SULT4A1: variants seen among roughly 807,000 people sequenced by gnomAD.
The protein encoded by SULT4A1 is sulfotransferase 4A1.
SULT4A1 carries 11 observed loss-of-function variants against 35.2 expected under a neutral mutation model. The observed-to-expected ratio is 0.31, with a 90% CI of 0.20 to 0.52. The LOEUF (loss-of-function observed/expected upper bound fraction) is 0.52. Ranked by LOEUF, SULT4A1 falls within the 20% of genes least tolerant of loss-of-function variation. SULT4A1 has a pLI of 0.97. For missense variants in SULT4A1, 271 were observed against 383.7 expected, an observed-to-expected ratio of 0.71 and a Z score of 2.45; for synonymous variants, 152 against 151.8, an observed-to-expected ratio of 1.00 and a Z score of -0.01.
intron 1 of SULT4A1, among the ~76,000 whole-genome samples, chr22:43,856,819 C>A (rs1459190684): frequency 6.6e-6 from 1 of 152,164 alleles, no homozygotes; most frequent in African/African-American, 2.4e-5. Context: ...ATTCCTTATA[C>A]TAATGGCCTA....
rs770922357 is a variant in SULT4A1 at position 43,862,418 on chromosome 22, G to A, written c.-36C>T. On this transcript the variant is annotated 5_prime_UTR_variant, in exon 1 of 7. Transcript: ENST00000330884. Reference sequence around the variant, plus strand: ...TCGCCGTCGCCGCCGCCGCCTCCCGGCTCGCAGCCCGCACGCGCCCGCGCC... The same window carrying A: ...TCGCCGTCGCCGCCGCCGCCTCCCGACTCGCAGCCCGCACGCGCCCGCGCC... 1 of 1,085,020 alleles carries A rather than the reference G, an allele frequency of 9.2e-7. No individual in the cohort carries two copies. Among genetic ancestry groups the A allele is most frequent in the South Asian group, 3.6e-5 (1 of 27,984 alleles). The allele number at this position is 1,085,020 out of a possible 1,614,324, so 67.2% of individuals were successfully genotyped here. A position where few individuals can be genotyped will look rare whatever the true frequency, so the allele number is the denominator to read the frequency against.
chr22:43,834,414 A>G (rs1309356811), intron 4 of SULT4A1, among the ~76,000 whole-genome samples: 11 of 57,684 alleles, frequency 1.9e-4, no homozygotes, highest in African/African-American at 4.3e-4. Flanking sequence ...AGCTTCCCGC[A>G]GCCACACCGC....
rs1352523764 is a variant in SULT4A1 at position 43,825,859 on chromosome 22, C to G, written c.*142G>C. 1 of 783,696 alleles carries G rather than the reference C, an allele frequency of 1.3e-6. No individual in the cohort carries two copies. Among genetic ancestry groups the G allele is most frequent in the Non-Finnish European group, 2.0e-6 (1 of 488,866 alleles). The allele number at this position is 783,696 out of a possible 1,614,324, so 48.5% of individuals were successfully genotyped here. A position where few individuals can be genotyped will look rare whatever the true frequency, so the allele number is the denominator to read the frequency against. On this transcript the variant is annotated 3_prime_UTR_variant, in exon 7 of 7. Coordinates refer to ENST00000330884, the MANE Select transcript of SULT4A1 (RefSeq NM_014351.4). ...CGGTTGGGAATCATCACACTCCCTC[C>G]GCTCACGCCGCTCTTCCCTTCCCCC...
At chr22:43,862,131 C>T (rs2049478045) in intron 1 of SULT4A1, 83 bp downstream of exon 1, 2 of 1,142,308 alleles carry the variant, frequency 1.8e-6, no homozygotes. Context: ...CCAGCAGAAG[C>T]CCCGGGCGCG....
At chr22:43,827,755 C>CCACACACACACACACACACACA (rs3223292) in intron 6 of SULT4A1, 1 of 319,304 alleles carries the variant, frequency 3.1e-6, no homozygotes, top group East Asian at 1.1e-4. Flanking sequence ...CGCTGCTTCA[C>CCACACACACACACACACACACA]CACACACACA....
intron 1 of SULT4A1, among the ~76,000 whole-genome samples, chr22:43,859,188 C>T (rs2049437769): frequency 6.6e-6 from 1 of 152,202 alleles, no homozygotes; most frequent in Admixed American, 6.5e-5. Flanking sequence ...CCATGAGTCT[C>T]CCCTCAGCTT....
Position 43,861,052 on chromosome 22 carries a change from C to A in SULT4A1, c.169+1162G>T, listed in dbSNP as rs543980548. Among the ~76,000 whole-genome samples the A allele has an allele frequency of 6.6e-5, 10 of 152,312 alleles. No individual in the cohort carries two copies. In the South Asian group the frequency reaches 1.7e-3, roughly 25 times the overall value. The stretch of plus-strand genomic sequence containing the variant: ...TGAGTGGCCACAGAAGCCAACGACA[C>A]GCTTAGCCATTCCTAAAGCATTTTA... On this transcript the variant is annotated intron_variant, in intron 1 of 6. Coordinates refer to ENST00000330884, the MANE Select transcript of SULT4A1 (RefSeq NM_014351.4).
At chr22:43,844,839 G>T (rs2063462267) in intron 1 of SULT4A1, among the ~76,000 whole-genome samples, 1 of 152,180 alleles carries the variant, frequency 6.6e-6, no homozygotes, top group African/African-American at 2.4e-5. Flanking sequence ...TACGGCCCAG[G>T]GGAGCAGGCA....
chr22:43,836,620 C>A (rs1204919665), intron 4 of SULT4A1, among the ~76,000 whole-genome samples: 3 of 145,302 alleles, frequency 2.1e-5, no homozygotes, highest in African/African-American at 2.6e-5. Flanking sequence ...CCTCACACTG[C>A]AGGTGCCACA....
intron 1 of SULT4A1, among the ~76,000 whole-genome samples, chr22:43,842,135 T>A (rs1396000151): frequency 6.6e-6 from 1 of 152,152 alleles, no homozygotes; most frequent in Non-Finnish European, 1.5e-5. Context: ...CGGCTCTGAT[T>A]CTCAGAGGGG....
chr22:43,860,811 C>A (rs2049458086), intron 1 of SULT4A1, among the ~76,000 whole-genome samples: 1 of 152,192 alleles, frequency 6.6e-6, no homozygotes, highest in Non-Finnish European at 1.5e-5. Context: ...AGGTCCCCCT[C>A]CTTCTTGGGC....
chr22:43,827,337 T>A, intron 6 of SULT4A1: 1 of 985,442 alleles, frequency 1.0e-6, no homozygotes, highest in Non-Finnish European at 1.2e-6. Flanking sequence ...ACACGGACTT[T>A]CTCTTTGGTA....
intron 4 of SULT4A1, among the ~76,000 whole-genome samples, chr22:43,836,990 G>A (rs1366308296): frequency 1.3e-5 from 2 of 152,266 alleles, no homozygotes; most frequent in Admixed American, 6.5e-5. Flanking sequence ...CTCCAGCCTC[G>A]CAGAGCTGGT....
Position 43,854,259 on chromosome 22 carries a change from G to A in SULT4A1, c.169+7955C>T, listed in dbSNP as rs192030792. ...ACGACCATGTGACATGGCCAACAGA[G>A]ACCTTTGCATGTCTCTGCTTATTCT... On this transcript the variant is annotated intron_variant, in intron 1 of 6. Transcript: ENST00000330884. Among the ~76,000 whole-genome samples the A allele has an allele frequency of 1.4e-3, 215 of 152,342 alleles. 1 individual carries two copies. Among genetic ancestry groups the A allele is most frequent in the South Asian group, 0.011 (51 of 4,824 alleles).
At chr22:43,860,790 G>C (rs763138996) in intron 1 of SULT4A1, among the ~76,000 whole-genome samples, 1 of 152,136 alleles carries the variant, frequency 6.6e-6, no homozygotes, top group Middle Eastern at 3.2e-3. Flanking sequence ...AAGCCTCCAA[G>C]AAAGAAGGCT....
At chr22:43,847,794 G>A (rs961797031) in intron 1 of SULT4A1, among the ~76,000 whole-genome samples, 5 of 152,220 alleles carry the variant, frequency 3.3e-5, no homozygotes, top group African/African-American at 4.8e-5. Flanking sequence ...ACACTGTCAC[G>A]CTGTGCCTGG....
intron 4 of SULT4A1, among the ~76,000 whole-genome samples, chr22:43,834,295 T>A (rs1221256171): frequency 6.7e-6 from 1 of 149,852 alleles, no homozygotes; most frequent in African/African-American, 2.5e-5. Context: ...GGCCCTGTGC[T>A]TCCCGCGCCC....
In SULT4A1 at chr22:43,862,268, C is replaced by T; in HGVS notation, c.115G>A (p.Ala39Thr). The T allele has an allele frequency of 6.4e-7, 1 of 1,569,488 alleles. No individual in the cohort carries two copies. The highest frequency in any genetic ancestry group is 2.5e-5 in the East Asian group (1 of 40,138). Reference sequence around the variant, plus strand: ...TCGCTGGGCCGCACCGGGAAGTTGGCGATCTCCTCCATCTTCCCGCGGCAG... The same window carrying T: ...TCGCTGGGCCGCACCGGGAAGTTGGTGATCTCCTCCATCTTCCCGCGGCAG... ...PFCRGKMEEI[A>T]NFPVRPSDVW... is the part of the protein sequence containing the mutation. Residue 39 changes from alanine to threonine, a missense_variant, in exon 1 of 7, where the codon GCC (alanine) becomes ACC (threonine). By Grantham distance (58) the Ala-to-Thr change is moderately conservative (BLOSUM62 0). Transcript: ENST00000330884.
At chr22:43,832,607 C>T (rs537400037) in intron 5 of SULT4A1, among the ~76,000 whole-genome samples, 108 of 151,454 alleles carry the variant, frequency 7.1e-4, no homozygotes, top group African/African-American at 2.4e-3. Flanking sequence ...GGGGCTACAA[C>T]GCACACACCC....
Sources: gnomAD v4.1 joint callset for allele counts (sites outside exome capture counted in the v4.1 genomes callset) on GRCh38, gnomAD v4.1.1 for gene constraint, MANE v1.5 for transcripts, NCBI Gene and HGNC (gene_info 2026-07-23, HGNC 2026-07-21) for gene names.